CMTM6: variants seen among roughly 807,000 people sequenced by gnomAD.
The protein encoded by CMTM6 is CKLF like MARVEL transmembrane domain containing 6, also known as CKLF-like MARVEL transmembrane domain-containing protein 6.
Under a neutral mutation model 13.6 loss-of-function variants are expected in CMTM6, and 5 were observed. That is an observed-to-expected ratio of 0.37 (90% CI 0.19 to 0.77). CMTM6 has a LOEUF of 0.77. CMTM6 is among the 30% of genes least tolerant of loss of function. CMTM6 has a pLI of 0.50. For synonymous variants in CMTM6, 99 were observed against 84.5 expected, an observed-to-expected ratio of 1.17 and a Z score of -0.94; for missense variants, 196 against 218.6, an observed-to-expected ratio of 0.90 and a Z score of 0.65.
Position 32,483,961 on chromosome 3 carries a change from T to C in CMTM6, c.551A>G (p.Ter184=), listed in dbSNP as rs150310576. Residue 184 remains the stop codon, a stop_retained_variant, in exon 4 of 4, where the codon TAA becomes TGA. Coordinates refer to ENST00000205636, the MANE Select transcript of CMTM6 (RefSeq NM_017801.3). ...AEALTEPLNA[*] ...GGTAACATCTGCTCCCCAGAGTCTTTAGGCATTAAGTGGCTCAGTGAGGGC... is the reference window on the plus strand; with the variant it reads ...GGTAACATCTGCTCCCCAGAGTCTTCAGGCATTAAGTGGCTCAGTGAGGGC... 1.9e-5 allele frequency: 30 copies of C among 1,598,702 alleles called. No individual in the cohort carries two copies. In the African/African-American group the frequency reaches 3.6e-4, roughly 19 times the overall value.
In CMTM6 at chr3:32,487,946, C is replaced by T; in HGVS notation, c.406G>A (p.Ala136Thr). ...STHDRTSAEI[A>T]AIVFGFIASF... ...AAATACAAGGTACTTACAATTGCAG[C>T]AATCTCAGCTGAAGTCCTGTCATGT... The change falls in exon 3 of 4, where the codon GCT (alanine) becomes ACT (threonine). Residue 136 changes from alanine (A) to threonine (T), a missense_variant. Coordinates refer to ENST00000205636, the MANE Select transcript of CMTM6 (RefSeq NM_017801.3). 1 of 1,609,518 alleles carries T rather than the reference C, an allele frequency of 6.2e-7. No homozygotes were observed. Among genetic ancestry groups the T allele is most frequent in the African/African-American group, 1.3e-5 (1 of 74,856 alleles).
chr3:32,502,807 A>C lies in CMTM6; in HGVS notation c.-62T>G, dbSNP rs899538064. 1.5e-6 allele frequency: 2 copies of C among 1,366,806 alleles called. No homozygotes were observed. The highest frequency in any genetic ancestry group is 3.1e-5 in the African/African-American group (2 of 65,220). The allele number at this position is 1,366,806 out of a possible 1,614,324, so 84.7% of individuals were successfully genotyped here. Reference sequence around the variant, plus strand: ...GCGCCGTTGACTTCTCGGACTCCAGAAGTCCCCGGTAGCCGGGAGGCGGCC... The same window carrying C: ...GCGCCGTTGACTTCTCGGACTCCAGCAGTCCCCGGTAGCCGGGAGGCGGCC... On this transcript the variant is annotated 5_prime_UTR_variant, in exon 1 of 4. Coordinates refer to ENST00000205636, the MANE Select transcript of CMTM6 (RefSeq NM_017801.3).
intron 1 of CMTM6, among the ~76,000 whole-genome samples, chr3:32,495,463 T>C (rs949189066): frequency 3.9e-5 from 6 of 152,196 alleles, no homozygotes; most frequent in African/African-American, 1.4e-4. Context: ...ACATTTCACT[T>C]GCCTTTTTCT....
At chr3:32,490,562 G>C (rs531094334) in intron 2 of CMTM6, among the ~76,000 whole-genome samples, 14 of 152,130 alleles carry the variant, frequency 9.2e-5, no homozygotes, top group South Asian at 2.1e-4. Flanking sequence ...TTTTTTCTCA[G>C]TATTTTTAAA....
Position 32,482,984 on chromosome 3 carries a change from A to C in CMTM6, c.*976T>G, listed in dbSNP as rs1447484384. The stretch of plus-strand genomic sequence containing the variant: ...ACCAAAGGCTGGTGTCCTAAAAAAA[A>C]CAGATTGGCTTCAAAGAAAACACTA... On this transcript the variant is annotated 3_prime_UTR_variant, in exon 4 of 4. Coordinates refer to ENST00000205636, the MANE Select transcript of CMTM6 (RefSeq NM_017801.3). 1.3e-5 allele frequency: 2 copies of C among 152,618 alleles called. No homozygotes were observed. The highest frequency in any genetic ancestry group is 2.4e-5 in the African/African-American group (1 of 41,446). The allele number at this position is 152,618 out of a possible 1,614,324, so 9.5% of individuals were successfully genotyped here. A position where few individuals can be genotyped will look rare whatever the true frequency, so the allele number is the denominator to read the frequency against.
chr3:32,491,579 G>A (rs1559424647), intron 2 of CMTM6, 131 bp downstream of exon 2: 1 of 727,760 alleles, frequency 1.4e-6, no homozygotes, highest in Non-Finnish European at 2.1e-6. Context: ...CTTAGAAGCA[G>A]AGCGAGTTGG....
intron 1 of CMTM6, among the ~76,000 whole-genome samples, chr3:32,497,660 C>T (rs1697308182): frequency 6.6e-6 from 1 of 151,440 alleles, no homozygotes; most frequent in Admixed American, 6.6e-5. Context: ...GAATTTGAGA[C>T]CAGCCTGGCC....
At chr3:32,502,238 A>C (rs1697351191) in intron 1 of CMTM6, among the ~76,000 whole-genome samples, 1 of 152,258 alleles carries the variant, frequency 6.6e-6, no homozygotes, top group African/African-American at 2.4e-5. Flanking sequence ...TTCACAGTCT[A>C]AATACAGGCA....
At chr3:32,487,732 A>C (rs1697217652) in intron 3 of CMTM6, 2 of 416,840 alleles carry the variant, frequency 4.8e-6, no homozygotes, top group African/African-American at 4.0e-5. Flanking sequence ...GATTTTTTTT[A>C]AACAAAATTC....
chr3:32,502,808 A>C lies in CMTM6; in HGVS notation c.-63T>G. On this transcript the variant is annotated 5_prime_UTR_variant, in exon 1 of 4. Coordinates refer to ENST00000205636, the MANE Select transcript of CMTM6 (RefSeq NM_017801.3). The stretch of plus-strand genomic sequence containing the variant: ...CGCCGTTGACTTCTCGGACTCCAGA[A>C]GTCCCCGGTAGCCGGGAGGCGGCCG... 7.3e-7 allele frequency: 1 copy of C among 1,363,326 alleles called. No individual in the cohort carries two copies. The highest frequency in any genetic ancestry group is 1.5e-5 in the African/African-American group (1 of 65,310). 84.5% of individuals were successfully genotyped at this position (1,363,326 alleles called of 1,614,324 possible). A position where few individuals can be genotyped will look rare whatever the true frequency, so the allele number is the denominator to read the frequency against.
chr3:32,494,648 G>A (rs1347140082), intron 1 of CMTM6, among the ~76,000 whole-genome samples: 2 of 151,908 alleles, frequency 1.3e-5, no homozygotes, highest in Non-Finnish European at 2.9e-5. Context: ...ACAAACTGTG[G>A]TACATCCATA....
chr3:32,487,953 A>C lies in CMTM6; in HGVS notation c.399T>G (p.Ala133=). ...IFVSTHDRTS[A]EIAAIVFGFI... is the part of the protein sequence containing the mutation. The stretch of plus-strand genomic sequence containing the variant: ...AGGTACTTACAATTGCAGCAATCTC[A>C]GCTGAAGTCCTGTCATGTGTGGAAA... Residue 133 remains alanine, a synonymous_variant, in exon 3 of 4, where the codon GCT becomes GCG. Coordinates refer to ENST00000205636, the MANE Select transcript of CMTM6 (RefSeq NM_017801.3). 6.2e-7 allele frequency: 1 copy of C among 1,611,996 alleles called. No homozygotes were observed.
chr3:32,502,828 C>G lies in CMTM6; in HGVS notation c.-83G>C, dbSNP rs1697360513. 1 of 1,348,314 alleles carries G rather than the reference C, an allele frequency of 7.4e-7. No individual in the cohort carries two copies. Among genetic ancestry groups the G allele is most frequent in the Admixed American group, 3.7e-5 (1 of 27,258 alleles). The allele number at this position is 1,348,314 out of a possible 1,614,324, so 83.5% of individuals were successfully genotyped here. A position where few individuals can be genotyped will look rare whatever the true frequency, so the allele number is the denominator to read the frequency against. ...CCAGAAGTCCCCGGTAGCCGGGAGGCGGCCGTCACTTCCTGGGCCTTCTCC... is the reference window on the plus strand; with the variant it reads ...CCAGAAGTCCCCGGTAGCCGGGAGGGGGCCGTCACTTCCTGGGCCTTCTCC... On this transcript the variant is annotated 5_prime_UTR_variant, in exon 1 of 4. Coordinates refer to ENST00000205636, the MANE Select transcript of CMTM6 (RefSeq NM_017801.3).
At chr3:32,500,600 C>T (rs761560265) in intron 1 of CMTM6, among the ~76,000 whole-genome samples, 1 of 152,152 alleles carries the variant, frequency 6.6e-6, no homozygotes, top group Non-Finnish European at 1.5e-5. Flanking sequence ...TGATGGAGAA[C>T]TAATAATAGT....
intron 3 of CMTM6, 134 bp from the exon 4 acceptor site, chr3:32,484,231 G>T: frequency 2.8e-6 from 2 of 727,088 alleles, no homozygotes; most frequent in East Asian, 3.3e-5. Context: ...CTCTTTAATG[G>T]TAAAAAAAAT....
chr3:32,487,581 T>C (rs2125656174), intron 3 of CMTM6, among the ~76,000 whole-genome samples: 1 of 152,302 alleles, frequency 6.6e-6, no homozygotes, highest in African/African-American at 2.4e-5. Context: ...CTCTGAATCA[T>C]TTCTCCCATA....
chr3:32,486,292 C>T (rs760884717), intron 3 of CMTM6, among the ~76,000 whole-genome samples: 3 of 152,182 alleles, frequency 2.0e-5, no homozygotes, highest in Admixed American at 6.5e-5. Flanking sequence ...GCTACCAGTC[C>T]AAGGCCATGA....
Position 32,487,966 on chromosome 3 carries a change from T to C in CMTM6, c.386A>G (p.Asp129Gly). The C allele has an allele frequency of 6.2e-7, 1 of 1,613,646 alleles. No individual in the cohort carries two copies. Among genetic ancestry groups the C allele is most frequent in the Non-Finnish European group, 8.5e-7 (1 of 1,179,684 alleles). The part of the protein sequence containing the change: ...LASIIFVSTH[D>G]RTSAEIAAIV... ...TGCAGCAATCTCAGCTGAAGTCCTG[T>C]CATGTGTGGAAACAAAAATGATGGA... is the stretch of plus-strand genomic sequence containing the variant. The change falls in exon 3 of 4, where the codon GAC becomes GGC. Residue 129 changes from aspartate to glycine, a missense_variant. By Grantham distance (94) the Asp-to-Gly change is moderately conservative. This residue lies in a region of CMTM6 where 111 missense variants were observed against 160.0 expected (regional missense o/e 0.69). Transcript: ENST00000205636.
chr3:32,482,155 A>C lies in CMTM6; in HGVS notation c.*1805T>G, dbSNP rs1697160252. On this transcript the variant is annotated 3_prime_UTR_variant, in exon 4 of 4. Transcript: ENST00000205636. ...CCTCTCTTAGATGACATGCCCAATA[A>C]AAACAGCATCCATGATTGGTTTCAT... 6.6e-6 allele frequency: 1 copy of C among 152,210 alleles called. No individual in the cohort carries two copies. The highest frequency in any genetic ancestry group is 1.5e-5 in the Non-Finnish European group (1 of 68,036). 9.4% of individuals were successfully genotyped at this position (152,210 alleles called of 1,614,324 possible).
Sources: allele counts gnomAD v4.1 joint callset (sites outside exome capture counted in the v4.1 genomes callset), GRCh38; gene constraint gnomAD v4.1.1; regional missense constraint gnomAD v4.1.1; transcripts MANE v1.5; gene names NCBI Gene and HGNC (gene_info 2026-07-23, HGNC 2026-07-21).